Variants in KCNMB2 observed in about 807,000 individuals in gnomAD.
The protein encoded by KCNMB2 is calcium-activated potassium channel subunit beta-2.
KCNMB2 carries 9 observed loss-of-function variants against 24.5 expected under a neutral mutation model. The ratio of observed to expected loss-of-function variants is 0.37; its 90% CI spans 0.22 to 0.64. The LOEUF (loss-of-function observed/expected upper bound fraction) is 0.64, where lower values mean the gene tolerates loss of function less well. Among genes scored for constraint, KCNMB2 ranks in the 30% least tolerant of loss-of-function variants. The pLI is 0.63. For synonymous variants in KCNMB2, 109 were observed against 104.4 expected (o/e 1.04, Z -0.27); for missense variants, 226 against 284.3 (o/e 0.79, Z 1.47).
At chr3:178,680,187 A>G (rs1397149676) in intron 1 of KCNMB2, among the ~76,000 whole-genome samples, 1 of 152,160 alleles carries the variant, frequency 6.6e-6, no homozygotes, top group Non-Finnish European at 1.5e-5. Context: ...TAATCCCAGT[A>G]AAGTTACTGC....
intron 1 of KCNMB2, among the ~76,000 whole-genome samples, chr3:178,637,498 T>C (rs1719571168): frequency 6.6e-6 from 1 of 152,212 alleles, no homozygotes; most frequent in East Asian, 1.9e-4. Flanking sequence ...TCTTCATTAG[T>C]ATCTAATAAC....
chr3:178,708,891 T>C (rs1722363829), intron 1 of KCNMB2, among the ~76,000 whole-genome samples: 1 of 152,148 alleles, frequency 6.6e-6, no homozygotes, highest in African/African-American at 2.4e-5. Context: ...AATTTACCAA[T>C]GGGTGAGTAA....
chr3:178,817,620 GA>G (rs771487893), intron 2 of KCNMB2, among the ~76,000 whole-genome samples: 10 of 152,158 alleles, frequency 6.6e-5, no homozygotes, highest in Non-Finnish European at 1.5e-4. Flanking sequence ...AGATCTAACA[GA>G]AGGGCATGTT....
At chr3:178,839,305 T>C (rs756752986) in intron 4 of KCNMB2, among the ~76,000 whole-genome samples, 4 of 152,044 alleles carry the variant, frequency 2.6e-5, no homozygotes, top group Non-Finnish European at 5.9e-5. Context: ...TGTCCAACTA[T>C]ATCTAACATA....
chr3:178,785,820 T>C (rs1713078914), intron 1 of KCNMB2, among the ~76,000 whole-genome samples: 1 of 152,174 alleles, frequency 6.6e-6, no homozygotes, highest in Non-Finnish European at 1.5e-5. Context: ...AGCATATTCA[T>C]TTGTATACAT....
rs1165890677 is a variant in KCNMB2, at chr3:178,757,959, G to T, written c.-67-49384G>T. On this transcript the variant is annotated intron_variant, in intron 1 of 4. Transcript: ENST00000452583. ...TACACAAGGGGATATATAGACACAA[G>T]AGGATATATATATAGACACAAGAGG... Among the ~76,000 whole-genome samples the T allele has an allele frequency of 2.3e-5, 2 of 85,314 alleles. 1 individual carries two copies. Among genetic ancestry groups the T allele is most frequent in the East Asian group, 6.1e-4 (2 of 3,294 alleles). The allele number at this position is 85,314 out of a possible 152,430, so 56.0% of individuals were successfully genotyped here. A position where few individuals can be genotyped will look rare whatever the true frequency, so the allele number is the denominator to read the frequency against.
chr3:178,761,919 C>T (rs1223410456), intron 1 of KCNMB2, among the ~76,000 whole-genome samples: 3 of 152,090 alleles, frequency 2.0e-5, no homozygotes, highest in African/African-American at 7.2e-5. Context: ...CGCCTGTAAC[C>T]GCAGCACTTT....
Position 178,803,289 on chromosome 3 carries a change from T to C in KCNMB2, c.-67-4054T>C, listed in dbSNP as rs138192851. Among the ~76,000 whole-genome samples the C allele has an allele frequency of 1.8e-3, 269 of 152,180 alleles. 4 individuals are homozygous for C. The highest frequency in any genetic ancestry group is 6.0e-3 in the African/African-American group (250 of 41,520). ...GCCATGTTGCCCTATCTAAAGAAAA[T>C]CTTAGTGAATGATACTTCACCAAGC... On this transcript the variant is annotated intron_variant, in intron 1 of 4. Coordinates refer to ENST00000452583, the MANE Select transcript of KCNMB2 (RefSeq NM_181361.3).
intron 1 of KCNMB2, among the ~76,000 whole-genome samples, chr3:178,699,529 T>C (rs1233720865): frequency 1.3e-5 from 2 of 152,096 alleles, no homozygotes; most frequent in Non-Finnish European, 2.9e-5. Context: ...TCAGGTAAGG[T>C]CTGCCAGTAC....
rs116593713 is a variant in KCNMB2 at position 178,633,198 on chromosome 3, C to T, written c.-68+96487C>T. 7.6e-3 allele frequency among the ~76,000 whole-genome samples: 1,164 copies of T among 152,306 alleles called. 15 individuals are homozygous for T. The highest frequency in any genetic ancestry group is 0.027 in the African/African-American group (1,126 of 41,566). Reference sequence around the variant, plus strand: ...TGCACAGTGTAAGCTGTTGGTGGCTCTACCATTCTGGGGTCTGAAGAATGG... The same window carrying T: ...TGCACAGTGTAAGCTGTTGGTGGCTTTACCATTCTGGGGTCTGAAGAATGG... On this transcript the variant is annotated intron_variant, in intron 1 of 4. Transcript: ENST00000452583.
chr3:178,578,417 C>CA (rs1242640845), intron 1 of KCNMB2, among the ~76,000 whole-genome samples: 1 of 152,166 alleles, frequency 6.6e-6, no homozygotes, highest in Non-Finnish European at 1.5e-5. Context: ...CCAGCCACTG[C>CA]AAAAACATAC....
At chr3:178,599,337 C>T (rs1014416852) in intron 1 of KCNMB2, among the ~76,000 whole-genome samples, 3 of 151,970 alleles carry the variant, frequency 2.0e-5, no homozygotes, top group Admixed American at 6.6e-5. Context: ...TTTATGTTTC[C>T]AATTTAATTC....
chr3:178,638,150 C>T (rs1719596336), intron 1 of KCNMB2, among the ~76,000 whole-genome samples: 1 of 152,154 alleles, frequency 6.6e-6, no homozygotes, highest in Non-Finnish European at 1.5e-5. Flanking sequence ...TCTCTGTCTT[C>T]CAGCCCATTC....
At chr3:178,805,714 G>T (rs1447619233) in intron 1 of KCNMB2, among the ~76,000 whole-genome samples, 1 of 151,942 alleles carries the variant, frequency 6.6e-6, no homozygotes, top group Non-Finnish European at 1.5e-5. Context: ...ACTGCAGCCT[G>T]GTACTCCCAG....
chr3:178,701,986 C>T (rs1463932985), intron 1 of KCNMB2, among the ~76,000 whole-genome samples: 7 of 151,962 alleles, frequency 4.6e-5, no homozygotes, highest in African/African-American at 1.2e-4. Flanking sequence ...TGCACACGTA[C>T]ATTTATTGCG....
chr3:178,637,517 G>T (rs936443040), intron 1 of KCNMB2, among the ~76,000 whole-genome samples: 2 of 152,192 alleles, frequency 1.3e-5, no homozygotes, highest in Non-Finnish European at 2.9e-5. Context: ...ACATTTAGAA[G>T]ATAGTTAATT....
At chr3:178,681,636 C>T (rs771066442) in intron 1 of KCNMB2, among the ~76,000 whole-genome samples, 19 of 152,172 alleles carry the variant, frequency 1.2e-4, no homozygotes, top group Non-Finnish European at 2.6e-4. Context: ...GTCCAAGGTC[C>T]TACTGCTAGT....
chr3:178,805,490 G>A (rs561474577), intron 1 of KCNMB2, among the ~76,000 whole-genome samples: 8 of 152,318 alleles, frequency 5.3e-5, no homozygotes, highest in South Asian at 2.1e-4. Flanking sequence ...CTTATTATGA[G>A]TGCATGCTCT....
intron 1 of KCNMB2, among the ~76,000 whole-genome samples, chr3:178,561,300 T>A (rs1716308046): frequency 6.6e-6 from 1 of 152,174 alleles, no homozygotes; most frequent in Non-Finnish European, 1.5e-5. Flanking sequence ...TATTATAAAA[T>A]TTTTAGAGAT....
Sources: allele counts gnomAD v4.1 joint callset (sites outside exome capture counted in the v4.1 genomes callset), GRCh38; gene constraint gnomAD v4.1.1; transcripts MANE v1.5; gene names NCBI Gene and HGNC (gene_info 2026-07-23, HGNC 2026-07-21).